The following BTD variants were observed in gnomAD, a reference collection of about 807,000 sequenced individuals.
BTD encodes the protein biocytinase.
In BTD, 13 loss-of-function variants were observed where a neutral mutation model predicts 17.7. The ratio of observed to expected loss-of-function variants is 0.74; its 90% confidence interval spans 0.48 to 1.17. The LOEUF is 1.17. Ranked by LOEUF, BTD falls within the 50% of genes most tolerant of loss-of-function variation. The pLI, the probability that BTD is intolerant of heterozygous loss-of-function variation, is 0.00. For synonymous variants in BTD, 240 were observed against 245.2 expected, an observed-to-expected ratio of 0.98 and a Z score of 0.20; for missense variants, 674 against 650.4, an observed-to-expected ratio of 1.04 and a Z score of -0.39.
rs117528485 is a variant in BTD at position 15,646,826 on chromosome 3, G to A, written c.*1338G>A. 1.8e-4 allele frequency: 27 copies of A among 152,228 alleles called. No homozygotes were observed. The East Asian group carries it at 5.2e-3, about 29-fold the overall frequency. The allele number at this position is 152,228 out of a possible 1,614,324, so 9.4% of individuals were successfully genotyped here. ...TGAAATGATCTCCCTATTCCCCCACGGTGTAGGCCTCCAGATCCTTTTCTG... is the reference window on the plus strand; with the variant it reads ...TGAAATGATCTCCCTATTCCCCCACAGTGTAGGCCTCCAGATCCTTTTCTG... On this transcript the variant is annotated 3_prime_UTR_variant, in exon 4 of 4. Transcript: ENST00000643237.
chr3:15,616,940 C>T (rs1350093382), intron 1 of BTD, among the ~76,000 whole-genome samples: 1 of 152,092 alleles, frequency 6.6e-6, no homozygotes, highest in Non-Finnish European at 1.5e-5. Context: ...TAAAGCAATT[C>T]TCCTGCCTCA....
At chr3:15,697,121 A>G (rs1021714042) in intron 3 of BTD, among the ~76,000 whole-genome samples, 1 of 152,228 alleles carries the variant, frequency 6.6e-6, no homozygotes, top group African/African-American at 2.4e-5. Context: ...CATAGAAAGG[A>G]ACAAAATAAT....
rs1403974241 is a variant in BTD, at chr3:15,653,680, C to A, written c.*8192C>A. On this transcript the variant is annotated 3_prime_UTR_variant, in exon 4 of 4. Coordinates refer to ENST00000643237, the MANE Select transcript of BTD (RefSeq NM_001370658.1). ...AGAACTCTAATGTTCTAAAGTGATT[C>A]TTTGATAATTAAAGAAAGATGTAAT... Among the ~76,000 whole-genome samples, 2 of 150,398 alleles carry A rather than the reference C, an allele frequency of 1.3e-5. No individual in the cohort carries two copies. Among genetic ancestry groups the A allele is most frequent in the Admixed American group, 6.6e-5 (1 of 15,240 alleles).
intron 3 of BTD, among the ~76,000 whole-genome samples, chr3:15,673,392 C>T (rs930258362): frequency 4.6e-5 from 7 of 152,202 alleles, no homozygotes; most frequent in African/African-American, 1.2e-4. Flanking sequence ...CAAATATTCA[C>T]TGAGCCTCCA....
intron 3 of BTD, chr3:15,690,007 T>C: frequency 6.3e-7 from 1 of 1,591,392 alleles, no homozygotes. Context: ...TCAAGCATAA[T>C]ATCTGGCATA....
intron 3 of BTD, among the ~76,000 whole-genome samples, chr3:15,679,123 C>A (rs1280118035): frequency 2.0e-5 from 3 of 151,580 alleles, no homozygotes; most frequent in Non-Finnish European, 4.4e-5. Context: ...CACAGGCATG[C>A]ATCATCATGC....
At chr3:15,644,268 G>C in intron 3 of BTD, 48 bp from the exon 4 acceptor site, 1 of 1,573,404 alleles carries the variant, frequency 6.4e-7, no homozygotes, top group Admixed American at 1.8e-5. Flanking sequence ...CCACAGTGCT[G>C]GGATTACAGG....
At chr3:15,625,724 T>G (rs1363021796) in intron 1 of BTD, among the ~76,000 whole-genome samples, 1 of 152,056 alleles carries the variant, frequency 6.6e-6, no homozygotes, top group Non-Finnish European at 1.5e-5. Context: ...CCCAGCTAAT[T>G]TTTTGTATTT....
intron 3 of BTD, among the ~76,000 whole-genome samples, chr3:15,693,197 T>A (rs960984809): frequency 6.6e-6 from 1 of 152,226 alleles, no homozygotes; most frequent in African/African-American, 2.4e-5. Flanking sequence ...AATGTAAATA[T>A]ACTTAACACT....
chr3:15,644,422 A>G lies in BTD; in HGVS notation c.506A>G (p.Asp169Gly), dbSNP rs139829181. The G allele has an allele frequency of 1.9e-6, 3 of 1,614,130 alleles. No homozygotes were observed. Among genetic ancestry groups the G allele is most frequent in the African/African-American group, 1.3e-5 (1 of 75,032 alleles). ...CHSSDPRCPK[D>G]GRYQFNTNVV... The stretch of plus-strand genomic sequence containing the variant: ...AGCAGTGACCCAAGGTGCCCAAAAG[A>G]TGGGAGATACCAGTTCAACACAAAT... Residue 169 changes from aspartate to glycine, a missense_variant, in exon 4 of 4, where the codon GAT (aspartate) becomes GGT (glycine). Physicochemically the swap from Asp to Gly is moderately conservative, Grantham distance 94. Coordinates refer to ENST00000643237, the MANE Select transcript of BTD (RefSeq NM_001370658.1).
rs1440887950 is a variant in BTD, at chr3:15,678,467, A to G, written c.400-31593A>G. ...TTAAGGGTTTACATATTAGGCTACA[A>G]AAGCACTGCCTGTACACAAACAAAT... On this transcript the variant is annotated intron_variant, in intron 3 of 3. Transcript: ENST00000672141. 7.4e-6 allele frequency: 7 copies of G among 950,022 alleles called. No individual in the cohort carries two copies. The East Asian group carries it at 1.6e-4, about 22-fold the overall frequency. 58.8% of individuals were successfully genotyped at this position (950,022 alleles called of 1,614,324 possible).
chr3:15,603,676 A>G (rs2064352668), intron 1 of BTD, among the ~76,000 whole-genome samples: 2 of 152,142 alleles, frequency 1.3e-5, no homozygotes, highest in Non-Finnish European at 2.9e-5. Flanking sequence ...AATAAAATTA[A>G]ATTTAAAAAT....
At chr3:15,631,602 G>A (rs1308570128) in intron 1 of BTD, 2 of 996,860 alleles carry the variant, frequency 2.0e-6, no homozygotes, top group Non-Finnish European at 3.0e-6. Context: ...CTATTAGATG[G>A]AAAGAACCTT....
intron 2 of BTD, among the ~76,000 whole-genome samples, chr3:15,637,898 G>T (rs1046798678): frequency 1.3e-5 from 2 of 152,178 alleles, no homozygotes; most frequent in African/African-American, 4.8e-5. Flanking sequence ...TTGAAACCAC[G>T]CCAGCTGCAC....
In BTD at chr3:15,650,181, G is replaced by A. The variant is rs149391521; in HGVS notation, c.*4693G>A. Reference sequence around the variant, plus strand: ...GCTGAATGAATGAATGAATGAATAGGTAGTCACAAAGAATGTTTAGAATGT... The same window carrying A: ...GCTGAATGAATGAATGAATGAATAGATAGTCACAAAGAATGTTTAGAATGT... On this transcript the variant is annotated 3_prime_UTR_variant, in exon 4 of 4. Transcript: ENST00000643237. Among the ~76,000 whole-genome samples the A allele has an allele frequency of 4.4e-3, 672 of 152,252 alleles. 8 individuals are homozygous for A. The highest frequency in any genetic ancestry group is 0.015 in the South Asian group (73 of 4,828).
intron 1 of BTD, among the ~76,000 whole-genome samples, chr3:15,607,125 G>T (rs776730467): frequency 6.6e-6 from 1 of 152,002 alleles, no homozygotes; most frequent in Admixed American, 6.6e-5. Context: ...TGCATACTCC[G>T]TAAGGACTAT....
At chr3:15,710,383 G>T (rs1247568020) in exon 4 of BTD, among the ~76,000 whole-genome samples, 1 of 152,130 alleles carries the variant, frequency 6.6e-6, no homozygotes, top group Non-Finnish European at 1.5e-5. Flanking sequence ...CAAGTCTGTT[G>T]TCCCTCTCTC....
At chr3:15,686,258 G>A in intron 3 of BTD, 1 of 1,593,478 alleles carries the variant, frequency 6.3e-7, no homozygotes, top group Non-Finnish European at 8.6e-7. Flanking sequence ...TGCATTCTGT[G>A]GTTCTGCATT....
chr3:15,634,265 A>G (rs1450220618), intron 1 of BTD, among the ~76,000 whole-genome samples: 2 of 152,110 alleles, frequency 1.3e-5, no homozygotes, highest in African/African-American at 4.8e-5. Context: ...ACAGGGTGTC[A>G]TTTTCTTTTT....
Sources: allele counts gnomAD v4.1 joint callset (sites outside exome capture counted in the v4.1 genomes callset), GRCh38; gene constraint gnomAD v4.1.1; transcripts MANE v1.5; gene names NCBI Gene and HGNC (gene_info 2026-07-23, HGNC 2026-07-21).